COL26A1: variants seen among roughly 807,000 people sequenced by gnomAD.
COL26A1 encodes the protein collagen type XXVI alpha 1 chain, also known as collagen alpha-1(XXVI) chain.
In COL26A1, 41 loss-of-function variants were observed where a neutral mutation model predicts 59.3. That is an observed-to-expected ratio of 0.69 (90% confidence interval 0.54 to 0.90). The LOEUF is 0.90. COL26A1 is among the 40% of genes least tolerant of loss of function. COL26A1 has a pLI of 0.00. For missense variants in COL26A1, 612 were observed against 602.3 expected (o/e 1.02, Z -0.17); for synonymous variants, 266 against 256.0 (o/e 1.04, Z -0.37).
At chr7:101,435,120 T>G (rs1562977526) in intron 2 of COL26A1, among the ~76,000 whole-genome samples, 1 of 151,902 alleles carries the variant, frequency 6.6e-6, no homozygotes, top group Non-Finnish European at 1.5e-5. Flanking sequence ...AGATCAGGAG[T>G]TCGAGACCAG....
intron 2 of COL26A1, among the ~76,000 whole-genome samples, chr7:101,425,795 C>T (rs1359936512): frequency 6.6e-6 from 1 of 151,052 alleles, no homozygotes; most frequent in African/African-American, 2.4e-5. Context: ...GTGTGAGCCA[C>T]CATGCCCGGC....
chr7:101,402,760 TCCC>T (rs1792046439), intron 1 of COL26A1, among the ~76,000 whole-genome samples: 1 of 74,200 alleles, frequency 1.3e-5, no homozygotes, highest in African/African-American at 5.5e-5. Flanking sequence ...CCTCCCTCCC[TCCC>T]TTGCCCCCTT....
At chr7:101,519,062 T>C (rs1159642843) in intron 3 of COL26A1, among the ~76,000 whole-genome samples, 5 of 152,174 alleles carry the variant, frequency 3.3e-5, no homozygotes, top group Non-Finnish European at 7.3e-5. Flanking sequence ...TAAATTAATA[T>C]ATTAATTTAA....
intron 3 of COL26A1, among the ~76,000 whole-genome samples, chr7:101,514,763 G>T (rs1794994938): frequency 6.6e-6 from 1 of 152,234 alleles, no homozygotes; most frequent in Non-Finnish European, 1.5e-5. Flanking sequence ...ACCGGGCAAG[G>T]CTGCCCTTCC....
intron 8 of COL26A1, 59 bp from the exon 9 acceptor site, chr7:101,549,111 TG>T (rs1266113009): frequency 2.4e-6 from 2 of 846,726 alleles, no homozygotes; most frequent in African/African-American, 1.8e-5. Context: ...GGTGCTGGGG[TG>T]GGAGGCTGGG....
intron 2 of COL26A1, among the ~76,000 whole-genome samples, chr7:101,442,511 G>C (rs1384273527): frequency 6.6e-6 from 1 of 152,104 alleles, no homozygotes; most frequent in African/African-American, 2.4e-5. Context: ...GAAATATTTT[G>C]ATTTCCTTCC....
At chr7:101,387,348 T>A (rs915641052) in intron 1 of COL26A1, among the ~76,000 whole-genome samples, 11 of 151,216 alleles carry the variant, frequency 7.3e-5, no homozygotes, top group Non-Finnish European at 1.3e-4. Context: ...AGCACAGATG[T>A]TTAGGTGAAA....
intron 3 of COL26A1, among the ~76,000 whole-genome samples, chr7:101,500,534 C>T (rs898719927): frequency 1.3e-5 from 2 of 152,182 alleles, no homozygotes; most frequent in South Asian, 2.1e-4. Flanking sequence ...TCTAAAATAC[C>T]GGACCGGGCG....
rs558376517 is a variant in COL26A1, at chr7:101,554,911, G to A, written c.1081-876G>A. The stretch of plus-strand genomic sequence containing the variant: ...CCTGTAATTGGCTCAACTTCCCATT[G>A]TCTTTGGTCCCCTGGTGGGCAGACC... On this transcript the variant is annotated intron_variant, in intron 11 of 12. Transcript: ENST00000313669. Among the ~76,000 whole-genome samples the A allele has an allele frequency of 7.8e-4, 119 of 152,168 alleles. 1 individual carries two copies. Among genetic ancestry groups the A allele is most frequent in the African/African-American group, 2.6e-3 (106 of 41,442 alleles).
At chr7:101,521,355 G>A (rs1353773374) in intron 3 of COL26A1, among the ~76,000 whole-genome samples, 2 of 152,190 alleles carry the variant, frequency 1.3e-5, no homozygotes, top group Admixed American at 6.5e-5. Flanking sequence ...ATGCAAAATA[G>A]ACTGAGACAG....
chr7:101,537,996 A>G (rs1795519201), intron 4 of COL26A1, among the ~76,000 whole-genome samples: 1 of 150,030 alleles, frequency 6.7e-6, no homozygotes, highest in Non-Finnish European at 1.5e-5. Flanking sequence ...GACTGGGGGC[A>G]TTTCTACTAT....
chr7:101,407,894 G>T (rs1308998960), intron 1 of COL26A1, among the ~76,000 whole-genome samples: 1 of 152,080 alleles, frequency 6.6e-6, no homozygotes, highest in African/African-American at 2.4e-5. Flanking sequence ...CAGAAATTAT[G>T]AATAACCTGC....
intron 2 of COL26A1, 49 bp downstream of exon 2, chr7:101,420,148 G>C (rs767060261): frequency 1.0e-5 from 16 of 1,602,438 alleles, no homozygotes; most frequent in Non-Finnish European, 1.4e-5. Context: ...CCATTCCCTC[G>C]GACAAAACCA....
intron 1 of COL26A1, among the ~76,000 whole-genome samples, chr7:101,415,517 G>A (rs1792352838): frequency 1.3e-5 from 2 of 152,138 alleles, no homozygotes; most frequent in South Asian, 4.1e-4. Context: ...ACATCACTCT[G>A]CCTAAGTCAT....
At chr7:101,531,056 T>C (rs988709303) in intron 3 of COL26A1, among the ~76,000 whole-genome samples, 2 of 152,092 alleles carry the variant, frequency 1.3e-5, no homozygotes, top group South Asian at 2.1e-4. Flanking sequence ...CTGCAAGCTC[T>C]GCCTCCTGGC....
At chr7:101,556,780 G>A (rs1795984345) in intron 12 of COL26A1, among the ~76,000 whole-genome samples, 1 of 152,124 alleles carries the variant, frequency 6.6e-6, no homozygotes, top group African/African-American at 2.4e-5. Flanking sequence ...ATGGGCGGGT[G>A]AGTGGACAGG....
At chr7:101,444,617 G>A (rs561642622) in intron 2 of COL26A1, among the ~76,000 whole-genome samples, 1 of 151,876 alleles carries the variant, frequency 6.6e-6, no homozygotes, top group Non-Finnish European at 1.5e-5. Context: ...GTTTCTCCAT[G>A]TTGGGCAGGC....
chr7:101,446,649 G>C (rs963597443), intron 2 of COL26A1, among the ~76,000 whole-genome samples: 6 of 152,062 alleles, frequency 3.9e-5, no homozygotes, highest in East Asian at 1.9e-4. Context: ...GAGTTCGAGA[G>C]CAGCCTCACA....
chr7:101,476,142 TTGTGTGTGTGTGTG>T (rs56666965), intron 3 of COL26A1, among the ~76,000 whole-genome samples: 6 of 146,234 alleles, frequency 4.1e-5, no homozygotes, highest in African/African-American at 7.6e-5. Flanking sequence ...TCCCAGCTAA[TTGTGTGTGTGTGTG>T]TGTGTGTGTG....
Sources: gnomAD v4.1 joint callset for allele counts (sites outside exome capture counted in the v4.1 genomes callset) on GRCh38, gnomAD v4.1.1 for gene constraint, MANE v1.5 for transcripts, NCBI Gene and HGNC (gene_info 2026-07-23, HGNC 2026-07-21) for gene names.